Variants in BUD23 observed in about 807,000 individuals in gnomAD.
The protein encoded by BUD23 is BUD23 rRNA methyltransferase and ribosome maturation factor, also known as 18S rRNA (guanine-N(7))-methyltransferase.
In BUD23, 34 loss-of-function variants were observed where a neutral mutation model predicts 47.0. The ratio of observed to expected loss-of-function variants is 0.72; its 90% CI spans 0.55 to 0.96. The LOEUF is 0.96. Ranked by LOEUF, BUD23 falls within the 40% of genes least tolerant of loss-of-function variation. The probability of loss-of-function intolerance (pLI) is 0.00; values close to 1 mark genes in which losing one functional copy is unlikely to be tolerated. For missense variants in BUD23, 343 were observed against 361.2 expected, an observed-to-expected ratio of 0.95 and a Z score of 0.41; for synonymous variants, 124 against 132.0, an observed-to-expected ratio of 0.94 and a Z score of 0.41.
chr7:73,689,086 A>G (rs142081722), intron 5 of BUD23, among the ~76,000 whole-genome samples: 63 of 152,188 alleles, frequency 4.1e-4, no homozygotes, highest in South Asian at 1.0e-3. Context: ...TTCTTACTGT[A>G]TTGTCCAGAC....
At chr7:73,697,096 C>T (rs1013972591) in intron 10 of BUD23, 17 of 276,082 alleles carry the variant, frequency 6.2e-5, no homozygotes, top group South Asian at 5.2e-4. Context: ...CTGGTTTCTA[C>T]GGATGGTCAC....
At chr7:73,684,923 CAAAAAAAAAAAAAAAAAAAA>C (rs56229090) in intron 2 of BUD23, among the ~76,000 whole-genome samples, 80 of 49,140 alleles carry the variant, frequency 1.6e-3, no homozygotes, top group Admixed American at 3.7e-3. Flanking sequence ...GACTTTGTTT[CAAAAAAAAAAAAAAAAAAAA>C]AAAAAAAAAA....
At chr7:73,693,280 C>T in intron 7 of BUD23, 49 bp from the exon 8 acceptor site, 1 of 1,534,158 alleles carries the variant, frequency 6.5e-7, no homozygotes, top group Non-Finnish European at 8.9e-7. Flanking sequence ...GTGAAGCTGT[C>T]TGCTCCTCTC....
In BUD23 at chr7:73,688,388, C is replaced by T. The variant is rs116843159; in HGVS notation, c.362+1293C>T. Reference sequence around the variant, plus strand: ...CTTGTCTACTATTGCGATTATTTTGCATTGCCGGGTTCGGGCACCACTGGT... The same window carrying T: ...CTTGTCTACTATTGCGATTATTTTGTATTGCCGGGTTCGGGCACCACTGGT... On this transcript the variant is annotated intron_variant, in intron 5 of 11. Transcript: ENST00000265758. 4.1e-3 allele frequency among the ~76,000 whole-genome samples: 626 copies of T among 152,270 alleles called. 2 individuals are homozygous for T. The highest frequency in any genetic ancestry group is 7.0e-3 in the Non-Finnish European group (476 of 68,020).
At position 73,698,133 on chromosome 7, in the gene BUD23, G is replaced by GTA; in HGVS notation, c.*247_*248insTA. 8.0e-6 allele frequency: 1 copy of GTA among 124,358 alleles called. No individual in the cohort carries two copies. Among genetic ancestry groups the GTA allele is most frequent in the Non-Finnish European group, 1.6e-5 (1 of 61,438 alleles). 7.7% of individuals were successfully genotyped at this position (124,358 alleles called of 1,614,324 possible). A position where few individuals can be genotyped will look rare whatever the true frequency, so the allele number is the denominator to read the frequency against. On this transcript the variant is annotated 3_prime_UTR_variant, in exon 12 of 12. Coordinates refer to ENST00000265758, the MANE Select transcript of BUD23 (RefSeq NM_017528.5). The stretch of plus-strand genomic sequence containing the variant: ...CAACATAATGAAACTTCCTTTCCAG[G>GTA]GAGGAAAAAAAAAAAAAAAAAAAGC...
intron 10 of BUD23, chr7:73,696,691 A>C (rs1473527235): frequency 6.6e-6 from 1 of 152,200 alleles, no homozygotes; most frequent in Non-Finnish European, 1.5e-5. Context: ...TTAAATAAAC[A>C]GGTGAATTAA....
intron 5 of BUD23, among the ~76,000 whole-genome samples, chr7:73,689,534 A>C (rs1798107673): frequency 6.6e-6 from 1 of 152,144 alleles, no homozygotes; most frequent in Non-Finnish European, 1.5e-5. Context: ...TGGGGCTGCC[A>C]GAGCACAGGA....
At chr7:73,696,305 A>T (rs1798399306) in intron 10 of BUD23, 1 of 152,042 alleles carries the variant, frequency 6.6e-6, no homozygotes, top group Admixed American at 6.5e-5. Context: ...ACCCTTCTGG[A>T]TGACCTCTTC....
intron 11 of BUD23, 51 bp downstream of exon 11, chr7:73,697,745 T>C (rs781908397): frequency 6.2e-7 from 1 of 1,610,462 alleles, no homozygotes; most frequent in Non-Finnish European, 8.5e-7. Context: ...GGATGACTAT[T>C]GCCATGAAGA....
At position 73,698,207 on chromosome 7, in the gene BUD23, T is replaced by C. The variant is rs1554615250; in HGVS notation, c.*321T>C. 1 of 205,908 alleles carries C rather than the reference T, an allele frequency of 4.9e-6. No individual in the cohort carries two copies. Among genetic ancestry groups the C allele is most frequent in the Admixed American group, 5.5e-5 (1 of 18,036 alleles). 12.8% of individuals were successfully genotyped at this position (205,908 alleles called of 1,614,324 possible). On this transcript the variant is annotated 3_prime_UTR_variant, in exon 12 of 12. Coordinates refer to ENST00000265758, the MANE Select transcript of BUD23 (RefSeq NM_017528.5). ...AAAGGCAAGAAATAAAATTTCCTTT[T>C]GTGGAGCTCTGGCATCTCCCAGCTC...
At chr7:73,687,172 CTG>C in intron 5 of BUD23, 77 bp downstream of exon 5, 1 of 1,463,304 alleles carries the variant, frequency 6.8e-7, no homozygotes, top group East Asian at 2.3e-5. Context: ...AGTGCAGTGT[CTG>C]TGATTATGGC....
intron 10 of BUD23, chr7:73,697,305 T>TGCTGCTTAGCTGCTTCCC: frequency 1.3e-6 from 1 of 773,764 alleles, no homozygotes; most frequent in Non-Finnish European, 2.1e-6. Context: ...GCCTGCTTAC[T>TGCTGCTTAGCTGCTTCCC]GCTGCTTAGC....
chr7:73,693,718 GCAGTGGGGCT>G, intron 9 of BUD23, 49 bp downstream of exon 9: 8 of 1,610,054 alleles, frequency 5.0e-6, no homozygotes, highest in Middle Eastern at 1.7e-4. Flanking sequence ...TGACTTCCAG[GCAGTGGGGCT>G]CAGCCTGCAG....
intron 7 of BUD23, 200 bp downstream of exon 7, chr7:73,692,846 C>T (rs1798246492): frequency 5.2e-6 from 3 of 573,456 alleles, no homozygotes; most frequent in Middle Eastern, 2.7e-4. Flanking sequence ...GATGCCTTCT[C>T]TTGGCAGATG....
intron 2 of BUD23, 196 bp downstream of exon 2, chr7:73,684,000 G>GGT (rs1797838324): frequency 6.9e-7 from 1 of 1,451,184 alleles, no homozygotes; most frequent in Admixed American, 2.8e-5. Flanking sequence ...TCAGCGTTGA[G>GGT]GTAGGGGTGA....
In BUD23 at chr7:73,693,393, C is replaced by G; in HGVS notation, c.575C>G (p.Pro192Arg). The change falls in exon 8 of 12, where the codon CCT (proline) becomes CGT (arginine). Residue 192 changes from proline (P) to arginine (R), a missense_variant. Transcript: ENST00000265758. ...GFSGGMVVDY[P>R]NSAKAKKFYL... is the part of the protein sequence containing the mutation. ...TCCGGTGGCATGGTGGTAGACTACCCTAACAGTGCCAAAGCAAAGAAGTGA... is the reference window on the plus strand; with the variant it reads ...TCCGGTGGCATGGTGGTAGACTACCGTAACAGTGCCAAAGCAAAGAAGTGA... The G allele has an allele frequency of 1.2e-6, 2 of 1,614,184 alleles. No individual in the cohort carries two copies. The highest frequency in any genetic ancestry group is 8.5e-7 in the Non-Finnish European group (1 of 1,180,030).
chr7:73,697,176 C>T (rs2116710279), intron 10 of BUD23: 3 of 474,952 alleles, frequency 6.3e-6, no homozygotes, highest in Non-Finnish European at 1.1e-5. Flanking sequence ...CTTTTCAGAC[C>T]CTCCTTTCCA....
intron 5 of BUD23, among the ~76,000 whole-genome samples, chr7:73,687,989 G>T (rs1274232883): frequency 6.7e-6 from 1 of 149,102 alleles, no homozygotes; most frequent in African/African-American, 2.5e-5. Flanking sequence ...TCCGCCTCCC[G>T]GGTTCAAGCC....
In BUD23 at chr7:73,697,630, G is replaced by T; in HGVS notation, c.727G>T (p.Gly243Ter). ...GTTCCCATTAAGGATGTCGAGGCGG[G>T]GAATGGTGAGGAAGAGTCGGGCATG... ...ERFPLRMSRRGMVRKSRAWVL... is the reference protein window; with the variant it reads ...ERFPLRMSRR Residue 243 changes from glycine (G) to a stop codon, truncating the protein, a stop_gained, in exon 11 of 12, where the codon GGA (glycine) becomes TGA (stop). Coordinates refer to ENST00000265758, the MANE Select transcript of BUD23 (RefSeq NM_017528.5). LOFTEE classifies it high-confidence loss of function. 1 of 1,613,710 alleles carries T rather than the reference G, an allele frequency of 6.2e-7. No individual in the cohort carries two copies. Among genetic ancestry groups the T allele is most frequent in the Admixed American group, 1.7e-5 (1 of 60,028 alleles).
Sources: allele counts gnomAD v4.1 joint callset (sites outside exome capture counted in the v4.1 genomes callset), GRCh38; gene constraint gnomAD v4.1.1; transcripts MANE v1.5; gene names NCBI Gene and HGNC (gene_info 2026-07-23, HGNC 2026-07-21).